CTNNA3: variants seen among roughly 807,000 people sequenced by gnomAD.
The protein encoded by CTNNA3 is catenin alpha 3, also known as catenin alpha-3.
CTNNA3 carries 76 observed loss-of-function variants against 95.7 expected under a neutral mutation model. The ratio of observed to expected loss-of-function variants is 0.79; its 90% CI spans 0.66 to 0.96. The LOEUF is 0.96. Among genes scored for constraint, CTNNA3 ranks in the 40% least tolerant of loss-of-function variants. The pLI, the probability that CTNNA3 is intolerant of heterozygous loss-of-function variation, is 0.00. For missense variants in CTNNA3, 1,191 were observed against 1,089.8 expected, an observed-to-expected ratio of 1.09 and a Z score of -1.31; for synonymous variants, 431 against 374.4, an observed-to-expected ratio of 1.15 and a Z score of -1.74.
chr10:67,027,381 T>C (rs1413224190), intron 7 of CTNNA3, among the ~76,000 whole-genome samples: 3 of 152,072 alleles, frequency 2.0e-5, no homozygotes, highest in Non-Finnish European at 4.4e-5. Context: ...TCAGAAAATA[T>C]TAAATACCTA....
chr10:67,686,681 G>GTAAACAGT (rs1189553428), intron 1 of CTNNA3, among the ~76,000 whole-genome samples: 1 of 152,110 alleles, frequency 6.6e-6, no homozygotes, highest in Non-Finnish European at 1.5e-5. Context: ...ACAACTACCT[G>GTAAACAGT]TAAACAGTGA....
intron 7 of CTNNA3, among the ~76,000 whole-genome samples, chr10:66,793,116 GT>G (rs1234080265): frequency 6.6e-6 from 1 of 152,144 alleles, no homozygotes; most frequent in African/African-American, 2.4e-5. Context: ...GTGTAATGAG[GT>G]TTTGGGGGGA....
chr10:66,558,915 G>A (rs74143409), intron 10 of CTNNA3, among the ~76,000 whole-genome samples: 2,846 of 152,038 alleles, frequency 0.019, 96 homozygotes, highest in African/African-American at 0.064. Flanking sequence ...AAATCCAAAT[G>A]TCTTTTTATA....
chr10:67,066,296 G>T (rs1198413058), intron 7 of CTNNA3, among the ~76,000 whole-genome samples: 7 of 148,594 alleles, frequency 4.7e-5, no homozygotes, highest in Non-Finnish European at 1.0e-4. Flanking sequence ...GGGTTCAAGA[G>T]ATTCTCCTGC....
chr10:66,774,463 T>C (rs932660201), intron 8 of CTNNA3, among the ~76,000 whole-genome samples: 9 of 152,296 alleles, frequency 5.9e-5, no homozygotes, highest in Non-Finnish European at 1.2e-4. Flanking sequence ...CAAGTGTAAA[T>C]GGTAGAAACA....
chr10:66,483,544 T>C lies in CTNNA3; in HGVS notation c.1531+37073A>G, dbSNP rs150994451. 4.2e-3 allele frequency among the ~76,000 whole-genome samples: 635 copies of C among 152,262 alleles called. 3 individuals are homozygous for C. Among genetic ancestry groups the C allele is most frequent in the African/African-American group, 0.015 (609 of 41,558 alleles). ...AATCTCAAAAATAGGTTCCCTTACATTTTAGTCTGGCTGATAAAAGAGTAA... is the reference window on the plus strand; with the variant it reads ...AATCTCAAAAATAGGTTCCCTTACACTTTAGTCTGGCTGATAAAAGAGTAA... On this transcript the variant is annotated intron_variant, in intron 11 of 17. Coordinates refer to ENST00000433211, the MANE Select transcript of CTNNA3 (RefSeq NM_013266.4).
chr10:66,969,771 G>A (rs1849620094), intron 7 of CTNNA3, among the ~76,000 whole-genome samples: 2 of 151,972 alleles, frequency 1.3e-5, no homozygotes, highest in African/African-American at 2.4e-5. Flanking sequence ...TACTTCTTTT[G>A]TGTGAGCTGC....
chr10:66,842,981 C>G (rs1843117519), intron 7 of CTNNA3, among the ~76,000 whole-genome samples: 1 of 152,114 alleles, frequency 6.6e-6, no homozygotes, highest in Non-Finnish European at 1.5e-5. Flanking sequence ...AAATCCAGAG[C>G]AAAGAGTCAC....
intron 5 of CTNNA3, among the ~76,000 whole-genome samples, chr10:67,273,844 A>G (rs894986016): frequency 1.3e-5 from 2 of 152,222 alleles, no homozygotes; most frequent in African/African-American, 4.8e-5. Flanking sequence ...CATTAATGTA[A>G]AGTAATGAGA....
chr10:67,080,834 G>C (rs189205530), intron 7 of CTNNA3, among the ~76,000 whole-genome samples: 2,351 of 151,960 alleles, frequency 0.015, 59 homozygotes, highest in African/African-American at 0.054. Flanking sequence ...GCGTGAACCC[G>C]GGAGGCAGAG....
chr10:66,035,916 T>C (rs1417769618), intron 15 of CTNNA3, among the ~76,000 whole-genome samples: 4 of 152,090 alleles, frequency 2.6e-5, no homozygotes, highest in African/African-American at 9.7e-5. Flanking sequence ...ATTTATGAGG[T>C]ATCAAAAAGA....
chr10:67,420,266 T>C (rs1256679077), intron 5 of CTNNA3, among the ~76,000 whole-genome samples: 1 of 152,258 alleles, frequency 6.6e-6, no homozygotes, highest in African/African-American at 2.4e-5. Context: ...AAGTGAATTA[T>C]GCATGATAGT....
At chr10:67,544,450 C>T (rs1470392245) in intron 3 of CTNNA3, among the ~76,000 whole-genome samples, 1 of 152,150 alleles carries the variant, frequency 6.6e-6, no homozygotes, top group Non-Finnish European at 1.5e-5. Flanking sequence ...CAGAGCCTGG[C>T]AAACTCTCTG....
At chr10:66,340,225 A>G (rs2092439815) in intron 12 of CTNNA3, among the ~76,000 whole-genome samples, 1 of 151,782 alleles carries the variant, frequency 6.6e-6, no homozygotes, top group Non-Finnish European at 1.5e-5. Context: ...TCTCCAAAAC[A>G]ATACTTATAG....
intron 12 of CTNNA3, among the ~76,000 whole-genome samples, chr10:66,357,276 C>T (rs1050265656): frequency 2.6e-5 from 4 of 152,078 alleles, no homozygotes; most frequent in Non-Finnish European, 5.9e-5. Flanking sequence ...TTAATTTCTG[C>T]AACAGATAGA....
intron 13 of CTNNA3, among the ~76,000 whole-genome samples, chr10:66,149,678 T>C (rs1400931217): frequency 6.6e-6 from 1 of 151,958 alleles, no homozygotes; most frequent in Non-Finnish European, 1.5e-5. Flanking sequence ...TTATTTAGAA[T>C]GGTAGCATTC....
intron 5 of CTNNA3, among the ~76,000 whole-genome samples, chr10:67,509,015 T>TC (rs1310277846): frequency 6.6e-6 from 1 of 151,864 alleles, no homozygotes; most frequent in African/African-American, 2.4e-5. Flanking sequence ...TAGCAGGGAT[T>TC]ATAGGCACCT....
chr10:66,171,676 A>G (rs559523030), intron 13 of CTNNA3, among the ~76,000 whole-genome samples: 17 of 152,270 alleles, frequency 1.1e-4, no homozygotes, highest in African/African-American at 4.1e-4. Context: ...GGTTAGGCTC[A>G]TCCAGGTTTG....
At chr10:67,178,871 T>C (rs1862368252) in intron 7 of CTNNA3, among the ~76,000 whole-genome samples, 1 of 152,042 alleles carries the variant, frequency 6.6e-6, no homozygotes, top group Admixed American at 6.6e-5. Flanking sequence ...ATGCTAAAAA[T>C]GGGGATATTC....
Sources: gnomAD v4.1 joint callset for allele counts (sites outside exome capture counted in the v4.1 genomes callset) on GRCh38, gnomAD v4.1.1 for gene constraint, MANE v1.5 for transcripts, NCBI Gene and HGNC (gene_info 2026-07-23, HGNC 2026-07-21) for gene names.